Variants in PBX1 observed in about 807,000 individuals in gnomAD.
PBX1 encodes pre-B-cell leukemia transcription factor 1.
Under a neutral mutation model 53.4 loss-of-function variants are expected in PBX1, and 6 were observed. The ratio of observed to expected loss-of-function variants is 0.11; its 90% confidence interval spans 0.06 to 0.22. The LOEUF is 0.22. Among genes scored for constraint, PBX1 ranks in the 10% least tolerant of loss-of-function variants. The pLI is 1.00. For synonymous variants in PBX1, 204 were observed against 212.3 expected (o/e 0.96, Z 0.34); for missense variants, 251 against 551.4 (o/e 0.46, Z 5.46).
intron 2 of PBX1, among the ~76,000 whole-genome samples, chr1:164,675,017 G>C (rs117678894): frequency 0.016 from 2,439 of 152,160 alleles, 48 homozygotes; most frequent in South Asian, 0.056. Flanking sequence ...AAAGAGATTG[G>C]CAAGGGAAAT....
chr1:164,593,206 C>A (rs1378970810), intron 2 of PBX1, among the ~76,000 whole-genome samples: 2 of 152,148 alleles, frequency 1.3e-5, no homozygotes, highest in Non-Finnish European at 2.9e-5. Flanking sequence ...GATCTGCCTG[C>A]CTCGGCCTTG....
intron 2 of PBX1, among the ~76,000 whole-genome samples, chr1:164,567,100 A>G (rs1653487995): frequency 6.6e-6 from 1 of 151,898 alleles, no homozygotes; most frequent in Non-Finnish European, 1.5e-5. Context: ...CTTCTTTTTA[A>G]TATAGCAATT....
chr1:164,675,568 G>T (rs1290627108), intron 2 of PBX1, among the ~76,000 whole-genome samples: 3 of 152,104 alleles, frequency 2.0e-5, no homozygotes, highest in Non-Finnish European at 4.4e-5. Context: ...TTTTTCATCA[G>T]TAAGGGGCAT....
At position 164,567,182 on chromosome 1, in the gene PBX1, G is replaced by A. The variant is rs1445933878; in HGVS notation, c.265+3871G>A. Among the ~76,000 whole-genome samples, 4 of 152,116 alleles carry A rather than the reference G, an allele frequency of 2.6e-5. No homozygotes were observed. The East Asian group carries it at 7.7e-4, about 29-fold the overall frequency. The stretch of plus-strand genomic sequence containing the variant: ...ATAATTTGTGTGTCTATGTATATGT[G>A]TGTGTGTATGTTTGCATATGTAGGT... On this transcript the variant is annotated intron_variant, in intron 2 of 8. Coordinates refer to ENST00000420696, the MANE Select transcript of PBX1 (RefSeq NM_002585.4).
intron 2 of PBX1, among the ~76,000 whole-genome samples, chr1:164,621,404 C>A (rs959823368): frequency 2.0e-5 from 3 of 152,276 alleles, no homozygotes; most frequent in Non-Finnish European, 4.4e-5. Context: ...CTATTATGAA[C>A]ATTTTCCTTG....
rs183654167 is a variant in PBX1, at chr1:164,885,631, G to T, written n.258-13557G>T. On this transcript the variant is annotated intron_variant and non_coding_transcript_variant, in intron 2 of 2. Transcript: ENST00000558796. ...ATCCTGGCTCCGTCTTCAAGCAATGGGCTCTTGGGCAAGTAATTTTCCCAT... is the reference window on the plus strand; with the variant it reads ...ATCCTGGCTCCGTCTTCAAGCAATGTGCTCTTGGGCAAGTAATTTTCCCAT... 2.6e-5 allele frequency among the ~76,000 whole-genome samples: 4 copies of T among 152,218 alleles called. No homozygotes were observed. The East Asian group carries it at 7.7e-4, about 29-fold the overall frequency.
chr1:164,677,083 A>ATTT (rs767622214), intron 2 of PBX1, among the ~76,000 whole-genome samples: 48 of 99,720 alleles, frequency 4.8e-4, no homozygotes, highest in South Asian at 1.3e-3. Flanking sequence ...ACTGCTTGAC[A>ATTT]TTTTTTTTTT....
At chr1:164,700,612 TACA>T (rs913562720) in intron 2 of PBX1, 600 of 985,358 alleles carry the variant, frequency 6.1e-4, no homozygotes, top group Non-Finnish European at 6.9e-4. Flanking sequence ...ATGGTCTAGT[TACA>T]GTGCATGGTA....
At position 164,591,750 on chromosome 1, in the gene PBX1, A is replaced by G. The variant is rs183455867; in HGVS notation, c.265+28439A>G. Among the ~76,000 whole-genome samples the G allele has an allele frequency of 3.9e-5, 6 of 152,328 alleles. No homozygotes were observed. The East Asian group carries it at 9.7e-4, about 25-fold the overall frequency. On this transcript the variant is annotated intron_variant, in intron 2 of 8. Transcript: ENST00000420696. ...GAACATTCTGTTAGCAGACTTGTGC[A>G]GGTTTTCCTATCCTACAAGTAGAGA...
intron 2 of PBX1, among the ~76,000 whole-genome samples, chr1:164,575,049 C>T (rs543873169): frequency 2.0e-5 from 3 of 152,206 alleles, no homozygotes; most frequent in African/African-American, 7.2e-5. Flanking sequence ...CAGTTTAATC[C>T]ACCTTGCGGA....
chr1:164,814,629 A>G (rs552775255), intron 6 of PBX1: 79 of 152,390 alleles, frequency 5.2e-4, no homozygotes, highest in African/African-American at 1.9e-3. Context: ...AGTTCCAGCT[A>G]CTCGGGAGGC....
chr1:164,700,385 G>C (rs1571245763), intron 2 of PBX1: 1 of 879,372 alleles, frequency 1.1e-6, no homozygotes, highest in Non-Finnish European at 1.4e-6. Flanking sequence ...CACATCAAGG[G>C]AGCGTGAGGT....
intron 6 of PBX1, chr1:164,819,050 T>A (rs1447188847): frequency 3.3e-5 from 5 of 152,214 alleles, no homozygotes; most frequent in African/African-American, 1.2e-4. Flanking sequence ...GGTCTTTCCT[T>A]TTCCAGGCTA....
chr1:164,700,546 G>A lies in PBX1; in HGVS notation c.266-91948G>A, dbSNP rs1663058804. 6.1e-6 allele frequency: 6 copies of A among 985,242 alleles called. No homozygotes were observed. In the South Asian group the frequency reaches 2.8e-4, roughly 46 times the overall value. 61.0% of individuals were successfully genotyped at this position (985,242 alleles called of 1,614,324 possible). A position where few individuals can be genotyped will look rare whatever the true frequency, so the allele number is the denominator to read the frequency against. ...TGTTTACCACTGACCAGAATGTGGT[G>A]GCTTTGCTCTAGGTTGGGGGACACG... On this transcript the variant is annotated intron_variant, in intron 2 of 8. Transcript: ENST00000420696.
chr1:164,713,637 G>A (rs1402840385), intron 2 of PBX1, among the ~76,000 whole-genome samples: 1 of 152,118 alleles, frequency 6.6e-6, no homozygotes, highest in African/African-American at 2.4e-5. Context: ...AAAGAATCAG[G>A]TGGTGGGAAA....
intron 2 of PBX1, chr1:164,625,861 C>A: frequency 2.4e-6 from 2 of 830,588 alleles, no homozygotes; most frequent in Non-Finnish European, 2.9e-6. Flanking sequence ...CCCATTCCCC[C>A]ACCCTCCTTC....
intron 2 of PBX1, among the ~76,000 whole-genome samples, chr1:164,611,888 G>T (rs1265353861): frequency 3.9e-5 from 6 of 152,096 alleles, no homozygotes; most frequent in African/African-American, 1.4e-4. Flanking sequence ...AGCAAGAGGA[G>T]AGCTGACAGC....
chr1:164,778,072 G>A (rs1055855563), intron 2 of PBX1, among the ~76,000 whole-genome samples: 2 of 152,144 alleles, frequency 1.3e-5, no homozygotes, highest in Non-Finnish European at 2.9e-5. Flanking sequence ...AAGGTAGGGA[G>A]GTGGCCCCAT....
chr1:164,639,277 T>G (rs1658974038), intron 2 of PBX1, among the ~76,000 whole-genome samples: 1 of 152,220 alleles, frequency 6.6e-6, no homozygotes, highest in African/African-American at 2.4e-5. Flanking sequence ...GCAGCTACCT[T>G]GTTGATTCCA....
Sources: gnomAD v4.1 joint callset for allele counts (sites outside exome capture counted in the v4.1 genomes callset) on GRCh38, gnomAD v4.1.1 for gene constraint, MANE v1.5 for transcripts, NCBI Gene and HGNC (gene_info 2026-07-23, HGNC 2026-07-21) for gene names.